The following LDLRAD3 variants were observed in gnomAD, a reference collection of about 807,000 sequenced individuals.
LDLRAD3 encodes the protein low density lipoprotein receptor class A domain containing 3.
A neutral mutation model predicts 29.4 loss-of-function variants in LDLRAD3; 20 were observed. The ratio of observed to expected loss-of-function variants is 0.68; its 90% confidence interval spans 0.48 to 0.99. The LOEUF (loss-of-function observed/expected upper bound fraction) is 0.99, where lower values mean the gene tolerates loss of function less well. Ranked by LOEUF, LDLRAD3 falls within the 50% of genes least tolerant of loss-of-function variation. The pLI is 0.00. For synonymous variants in LDLRAD3, 157 were observed against 192.7 expected, an observed-to-expected ratio of 0.81 and a Z score of 1.53; for missense variants, 420 against 454.3, an observed-to-expected ratio of 0.92 and a Z score of 0.69.
Position 36,117,273 on chromosome 11 carries a change from G to A in LDLRAD3, c.454+18812G>A, listed in dbSNP as rs543983941. ...ACAATCACACTTTGAGACATTTGGCGTAGATGAGTCACCTTAGACTAATTT... is the reference window on the plus strand; with the variant it reads ...ACAATCACACTTTGAGACATTTGGCATAGATGAGTCACCTTAGACTAATTT... On this transcript the variant is annotated intron_variant, in intron 4 of 5. Coordinates refer to ENST00000315571, the MANE Select transcript of LDLRAD3 (RefSeq NM_174902.4). Among the ~76,000 whole-genome samples the A allele has an allele frequency of 5.1e-4, 77 of 152,300 alleles. No individual in the cohort carries two copies. The South Asian group carries it at 0.01, about 20-fold the overall frequency.
chr11:36,170,658 C>T (rs1854585705), intron 4 of LDLRAD3, among the ~76,000 whole-genome samples: 1 of 152,096 alleles, frequency 6.6e-6, no homozygotes, highest in Non-Finnish European at 1.5e-5. Context: ...CACATTCATG[C>T]CAACATTTAT....
At chr11:36,022,617 G>C (rs1003540351) in intron 1 of LDLRAD3, among the ~76,000 whole-genome samples, 7 of 152,074 alleles carry the variant, frequency 4.6e-5, no homozygotes, top group Non-Finnish European at 1.0e-4. Context: ...GGCACAGGGT[G>C]GGTAAGTAAT....
chr11:36,136,255 C>T (rs1349954294), intron 4 of LDLRAD3, among the ~76,000 whole-genome samples: 2 of 152,188 alleles, frequency 1.3e-5, no homozygotes, highest in Non-Finnish European at 2.9e-5. Flanking sequence ...GTTTCATATA[C>T]ACTGTCTTAG....
chr11:36,029,730 T>G (rs556749939), intron 1 of LDLRAD3, among the ~76,000 whole-genome samples: 51 of 152,246 alleles, frequency 3.3e-4, no homozygotes, highest in Non-Finnish European at 5.0e-4. Context: ...AGCCATTGGC[T>G]TTCTTTACTA....
chr11:36,012,457 G>A (rs1851967987), intron 1 of LDLRAD3, among the ~76,000 whole-genome samples: 1 of 152,092 alleles, frequency 6.6e-6, no homozygotes, highest in Admixed American at 6.6e-5. Context: ...GCACTTTACA[G>A]CTTCTCTTTG....
chr11:36,226,146 G>A (rs569457437), intron 4 of LDLRAD3, among the ~76,000 whole-genome samples: 10 of 152,100 alleles, frequency 6.6e-5, no homozygotes, highest in Non-Finnish European at 1.3e-4. Context: ...AGAGCATAAC[G>A]TATAGCTATG....
At chr11:35,990,456 C>A (rs753162952) in intron 1 of LDLRAD3, among the ~76,000 whole-genome samples, 1 of 151,856 alleles carries the variant, frequency 6.6e-6, no homozygotes, top group Non-Finnish European at 1.5e-5. Context: ...CTCGCTCTGT[C>A]ACCCAGGCTG....
intron 1 of LDLRAD3, among the ~76,000 whole-genome samples, chr11:36,035,699 G>T (rs1389608643): frequency 5.3e-5 from 8 of 152,162 alleles, no homozygotes; most frequent in Admixed American, 5.2e-4. Flanking sequence ...AGAGTGTGAG[G>T]CCTGGAAAGA....
At chr11:36,226,629 C>A (rs1182001298) in intron 4 of LDLRAD3, among the ~76,000 whole-genome samples, 1 of 152,214 alleles carries the variant, frequency 6.6e-6, no homozygotes, top group Non-Finnish European at 1.5e-5. Context: ...TCACCATAAA[C>A]CAGTTTCGGG....
intron 2 of LDLRAD3, among the ~76,000 whole-genome samples, chr11:36,064,308 T>TA (rs1340152728): frequency 3.3e-5 from 5 of 152,002 alleles, no homozygotes; most frequent in African/African-American, 1.2e-4. Context: ...TAGTTTTTTT[T>TA]AAAAAATTTT....
chr11:36,181,297 C>G (rs892568610), intron 4 of LDLRAD3, among the ~76,000 whole-genome samples: 1 of 152,008 alleles, frequency 6.6e-6, no homozygotes, highest in Non-Finnish European at 1.5e-5. Context: ...CTCACTACCC[C>G]TGCTTATTGT....
intron 4 of LDLRAD3, among the ~76,000 whole-genome samples, chr11:36,116,007 T>C (rs536736314): frequency 6.6e-6 from 1 of 152,316 alleles, no homozygotes; most frequent in East Asian, 1.9e-4. Context: ...GCTGTACCAC[T>C]TAGTAGCTCT....
At chr11:36,160,128 G>A (rs1854417406) in intron 4 of LDLRAD3, among the ~76,000 whole-genome samples, 1 of 152,176 alleles carries the variant, frequency 6.6e-6, no homozygotes, top group South Asian at 2.1e-4. Context: ...CCCTGTTCTT[G>A]CCTGAGATGC....
intron 1 of LDLRAD3, among the ~76,000 whole-genome samples, chr11:35,956,978 G>A (rs1851208929): frequency 6.6e-6 from 1 of 152,130 alleles, no homozygotes; most frequent in Non-Finnish European, 1.5e-5. Context: ...CTCGTGATCC[G>A]CCTGTCTCGG....
intron 3 of LDLRAD3, among the ~76,000 whole-genome samples, chr11:36,093,425 AG>A (rs1853313198): frequency 6.6e-6 from 1 of 151,976 alleles, no homozygotes; most frequent in Non-Finnish European, 1.5e-5. Flanking sequence ...ATTCCCATTA[AG>A]GTTTTTTTTT....
At chr11:36,216,028 G>A (rs1031603890) in intron 4 of LDLRAD3, among the ~76,000 whole-genome samples, 2 of 152,178 alleles carry the variant, frequency 1.3e-5, no homozygotes, top group African/African-American at 4.8e-5. Flanking sequence ...GTGTCATACA[G>A]CCCCCACAGT....
chr11:36,122,091 G>A (rs941058468), intron 4 of LDLRAD3, among the ~76,000 whole-genome samples: 11 of 152,178 alleles, frequency 7.2e-5, no homozygotes, highest in Non-Finnish European at 1.6e-4. Flanking sequence ...CCACACTCTT[G>A]TGACCTCAGA....
intron 4 of LDLRAD3, among the ~76,000 whole-genome samples, chr11:36,113,152 A>C (rs1044351549): frequency 6.6e-6 from 1 of 152,152 alleles, no homozygotes; most frequent in Non-Finnish European, 1.5e-5. Context: ...TTAGGTTCTT[A>C]ATGTGGAATA....
intron 2 of LDLRAD3, among the ~76,000 whole-genome samples, chr11:36,067,244 C>T (rs1473476799): frequency 6.6e-6 from 1 of 152,184 alleles, no homozygotes. Context: ...TAAGCATCCA[C>T]TGCTGGGCAG....
Sources: allele counts gnomAD v4.1 joint callset (sites outside exome capture counted in the v4.1 genomes callset), GRCh38; gene constraint gnomAD v4.1.1; transcripts MANE v1.5; gene names NCBI Gene and HGNC (gene_info 2026-07-23, HGNC 2026-07-21).